The following CNTROB variants were observed in gnomAD, a reference collection of about 807,000 sequenced individuals.
CNTROB encodes centrobin, centriole duplication and spindle assembly protein, also known as centrobin.
A neutral mutation model predicts 115.7 loss-of-function variants in CNTROB; 82 were observed. The ratio of observed to expected loss-of-function variants is 0.71; its 90% CI spans 0.59 to 0.85. The LOEUF (loss-of-function observed/expected upper bound fraction) is 0.85, where lower values mean the gene tolerates loss of function less well. Among genes scored for constraint, CNTROB ranks in the 40% least tolerant of loss-of-function variants. The pLI is 0.00. For synonymous variants in CNTROB, 439 were observed against 456.4 expected, an observed-to-expected ratio of 0.96 and a Z score of 0.49; for missense variants, 1,014 against 1,144.4, an observed-to-expected ratio of 0.89 and a Z score of 1.64.
chr17:7,948,556 G>A lies in CNTROB; in HGVS notation c.2450G>A (p.Arg817Gln), dbSNP rs754000012. ...VSQLLRLYQA[R>Q]GWGALPAEDL... ...CAACTGTTGCGACTCTACCAGGCTCGGGGCTGGGGGGCTCTGCCTGCTGAG... is the reference window on the plus strand; with the variant it reads ...CAACTGTTGCGACTCTACCAGGCTCAGGGCTGGGGGGCTCTGCCTGCTGAG... The change falls in exon 17 of 19, where the codon CGG (arginine) becomes CAG (glutamine). Residue 817 changes from arginine to glutamine, a missense_variant. Transcript: ENST00000563694. This position sits in a 1 kb window ranked among gnomAD's most constrained non-coding sequence, Gnocchi z 4.4. 7.8e-5 allele frequency: 126 copies of A among 1,614,012 alleles called. No individual in the cohort carries two copies. The South Asian group carries it at 1.3e-3, about 16-fold the overall frequency.
In CNTROB at chr17:7,944,280, C is replaced by T. The variant is rs759870751; in HGVS notation, c.1571+32C>T. 1 of 1,610,268 alleles carries T rather than the reference C, an allele frequency of 6.2e-7. No individual in the cohort carries two copies. Among genetic ancestry groups the T allele is most frequent in the African/African-American group, 1.3e-5 (1 of 74,854 alleles). The stretch of plus-strand genomic sequence containing the variant: ...GTCCCCAGAGTGCCCCTTTCAGGCC[C>T]CAGCCCCTTTCCCATGGGTAGAGCC... On this transcript the variant is annotated intron_variant, in intron 11 of 18. Transcript: ENST00000563694. The surrounding 1 kb of genome is among the most constrained non-coding windows in gnomAD (Gnocchi z 4.0).
At position 7,944,782 on chromosome 17, in the gene CNTROB, A is replaced by C; in HGVS notation, c.1734+144A>C. On this transcript the variant is annotated intron_variant, in intron 12 of 18. Transcript: ENST00000563694. This position sits in a 1 kb window ranked among gnomAD's most constrained non-coding sequence, Gnocchi z 4.0. ...AGCCTCGAACTCCTGGGCTCAAGTG[A>C]TCCTCCCACCTCTAACTCCCAAAGT... The C allele has an allele frequency of 1.1e-6, 1 of 938,100 alleles. No homozygotes were observed. The highest frequency in any genetic ancestry group is 1.5e-6 in the Non-Finnish European group (1 of 654,132). 58.1% of individuals were successfully genotyped at this position (938,100 alleles called of 1,614,324 possible). A position where few individuals can be genotyped will look rare whatever the true frequency, so the allele number is the denominator to read the frequency against.
rs767071702 is a variant in CNTROB at position 7,940,219 on chromosome 17, C to T, written c.1288C>T (p.Gln430Ter). ...AGCTCGGAGAGAGAGAGATGCCCTG[C>T]AGCTGGAAATGAGCTTGGTGCAGGT... ...DTARRERDAL[Q>*]LEMSLVQARY... The change falls in exon 9 of 19, where the codon CAG (glutamine) becomes TAG (stop). Residue 430 changes from glutamine to a stop codon, truncating the protein, a stop_gained. Coordinates refer to ENST00000563694, the MANE Select transcript of CNTROB (RefSeq NM_053051.5). LOFTEE classifies it high-confidence loss of function. 6.2e-7 allele frequency: 1 copy of T among 1,609,250 alleles called. No homozygotes were observed. The highest frequency in any genetic ancestry group is 8.5e-7 in the Non-Finnish European group (1 of 1,178,606).
At chr17:7,934,254 G>A in intron 2 of CNTROB, 32 bp downstream of exon 2, 1 of 1,591,242 alleles carries the variant, frequency 6.3e-7, no homozygotes, top group African/African-American at 1.3e-5. Context: ...AACTATGAAG[G>A]AGAACCTAGA....
In CNTROB at chr17:7,943,502, G is replaced by A; in HGVS notation, c.1423G>A (p.Ala475Thr). ...QAQESSLRQA[A>T]SLREHHRKQL... ...TCAGGAGAGCAGCCTACGGCAAGCA[G>A]CCTCCCTCAGGGAACATCACAGGTA... The change falls in exon 10 of 19, where the codon GCC becomes ACC. Residue 475 changes from alanine (A) to threonine (T), a missense_variant. By Grantham distance (58) the Ala-to-Thr change is moderately conservative (BLOSUM62 0). Transcript: ENST00000563694. The surrounding 1 kb of genome is among the most constrained non-coding windows in gnomAD (Gnocchi z 4.7). 6.2e-7 allele frequency: 1 copy of A among 1,613,420 alleles called. No individual in the cohort carries two copies. The highest frequency in any genetic ancestry group is 8.5e-7 in the Non-Finnish European group (1 of 1,179,564).
rs376661020 is a variant in CNTROB at position 7,933,073 on chromosome 17, T to C, written c.-7T>C. On this transcript the variant is annotated 5_prime_UTR_variant, in exon 1 of 19. Coordinates refer to ENST00000563694, the MANE Select transcript of CNTROB (RefSeq NM_053051.5). ...TTGCTGTCTCCGGTTGTCTCTTCCC[T>C]GTATTCATGGCAACATCAGCTGACA... The C allele has an allele frequency of 2.8e-5, 45 of 1,612,854 alleles. No individual in the cohort carries two copies. The highest frequency in any genetic ancestry group is 3.4e-5 in the Non-Finnish European group (40 of 1,179,452).
intron 1 of CNTROB, 139 bp from the exon 2 acceptor site, chr17:7,933,999 T>C: frequency 1.5e-6 from 1 of 655,606 alleles, no homozygotes; most frequent in East Asian, 2.6e-5. Flanking sequence ...GAATTTCTGA[T>C]TCAAGTTTAG....
Position 7,939,877 on chromosome 17 carries a change from G to A in CNTROB, c.1164+128G>A. Reference sequence around the variant, plus strand: ...GAATGGAGAGTAGAGAGCCATGTGTGGGAGACAAGGTTGAGAGTATAGGGC... The same window carrying A: ...GAATGGAGAGTAGAGAGCCATGTGTAGGAGACAAGGTTGAGAGTATAGGGC... On this transcript the variant is annotated intron_variant, in intron 8 of 18. Transcript: ENST00000563694. The surrounding 1 kb of genome is among the most constrained non-coding windows in gnomAD (Gnocchi z 4.4). 1 of 1,075,538 alleles carries A rather than the reference G, an allele frequency of 9.3e-7. No individual in the cohort carries two copies. Among genetic ancestry groups the A allele is most frequent in the Non-Finnish European group, 1.4e-6 (1 of 731,424 alleles). 66.6% of individuals were successfully genotyped at this position (1,075,538 alleles called of 1,614,324 possible). A position where few individuals can be genotyped will look rare whatever the true frequency, so the allele number is the denominator to read the frequency against.
In CNTROB at chr17:7,937,019, T is replaced by C. The variant is rs1598069421; in HGVS notation, c.829-145T>C. 2.9e-6 allele frequency: 3 copies of C among 1,042,802 alleles called. No homozygotes were observed. The East Asian group carries it at 7.2e-5, about 25-fold the overall frequency. 64.6% of individuals were successfully genotyped at this position (1,042,802 alleles called of 1,614,324 possible). On this transcript the variant is annotated intron_variant, in intron 6 of 18. Coordinates refer to ENST00000563694, the MANE Select transcript of CNTROB (RefSeq NM_053051.5). ...CTTGAATCATCAATGTCTTAATTTT[T>C]CCCACACCATGTAGTCTTCTATCTG...
Position 7,944,496 on chromosome 17 carries a change from G to A in CNTROB, c.1592G>A (p.Arg531Gln), listed in dbSNP as rs140963535. ...YELRLAREQA[R>Q]VCELQSGNQQ... is the part of the protein sequence containing the mutation. ...TTCAGACTGGCCCGGGAGCAAGCGC[G>A]AGTGTGCGAACTGCAGAGTGGGAAC... Residue 531 changes from arginine (R) to glutamine (Q), a missense_variant, in exon 12 of 19, where the codon CGA becomes CAA. Coordinates refer to ENST00000563694, the MANE Select transcript of CNTROB (RefSeq NM_053051.5). This position sits in a 1 kb window ranked among gnomAD's most constrained non-coding sequence, Gnocchi z 4.0. 8.6e-4 allele frequency: 1,388 copies of A among 1,613,966 alleles called. 9 individuals are homozygous for A. In the East Asian group the frequency reaches 0.01, roughly 12 times the overall value.
At chr17:7,937,090 T>C in intron 6 of CNTROB, 74 bp from the exon 7 acceptor site, 1 of 1,577,246 alleles carries the variant, frequency 6.3e-7, no homozygotes, top group Non-Finnish European at 8.7e-7. Context: ...GTTTACATTG[T>C]CAATGCTTTA....
At chr17:7,937,907 T>C (rs746944691) in intron 7 of CNTROB, among the ~76,000 whole-genome samples, 6 of 152,102 alleles carry the variant, frequency 3.9e-5, no homozygotes, top group Non-Finnish European at 8.8e-5. Flanking sequence ...TTTCAGAAAT[T>C]TCCTGGGTGA....
rs764367404 is a variant in CNTROB, at chr17:7,948,857, G to GTT, written c.2514-222_2514-221dup. On this transcript the variant is annotated intron_variant, in intron 17 of 18. Coordinates refer to ENST00000563694, the MANE Select transcript of CNTROB (RefSeq NM_053051.5). The surrounding 1 kb of genome is among the most constrained non-coding windows in gnomAD (Gnocchi z 4.4). Reference sequence around the variant, plus strand: ...CTTTTCCCCGGGTCTCTCTACCTTCGTTTTTTTCCTCTTTACCCCTCAGCT... The same window carrying GTT: ...CTTTTCCCCGGGTCTCTCTACCTTCGTTTTTTTTTCCTCTTTACCCCTCAGCT... 32 of 1,455,858 alleles carry GTT rather than the reference G, an allele frequency of 2.2e-5. No homozygotes were observed. The highest frequency in any genetic ancestry group is 5.4e-6 in the Non-Finnish European group (6 of 1,104,344). 90.2% of individuals were successfully genotyped at this position (1,455,858 alleles called of 1,614,324 possible).
chr17:7,949,455 A>G lies in CNTROB; in HGVS notation c.2657A>G (p.Lys886Arg), dbSNP rs1974963443. The G allele has an allele frequency of 1.2e-6, 2 of 1,614,160 alleles. No individual in the cohort carries two copies. Among genetic ancestry groups the G allele is most frequent in the Non-Finnish European group, 1.7e-6 (2 of 1,180,040 alleles). The change falls in exon 19 of 19, where the codon AAA becomes AGA. Residue 886 changes from lysine to arginine, a missense_variant. Lys to Arg is a conservative substitution (Grantham distance 26, BLOSUM62 2). Transcript: ENST00000563694. The part of the protein sequence containing the change: ...PKTEKPPARK[K>R]SGHPAPSSMR... Reference sequence around the variant, plus strand: ...ACTGAAAAACCTCCCGCACGGAAGAAAAGTGGGCACCCTGCCCCGAGTAGC... The same window carrying G: ...ACTGAAAAACCTCCCGCACGGAAGAGAAGTGGGCACCCTGCCCCGAGTAGC...
At chr17:7,936,619 A>ATTT (rs1428069558) in intron 5 of CNTROB, 82 bp from the exon 6 acceptor site, 1 of 802,538 alleles carries the variant, frequency 1.2e-6, no homozygotes, top group African/African-American at 1.7e-5. Context: ...TGTTGGGAGA[A>ATTT]GATGGCTGTT....
In CNTROB at chr17:7,944,257, C is replaced by A; in HGVS notation, c.1571+9C>A. The A allele has an allele frequency of 1.2e-6, 2 of 1,613,006 alleles. No individual in the cohort carries two copies. The highest frequency in any genetic ancestry group is 2.2e-5 in the South Asian group (2 of 91,022). On this transcript the variant is annotated intron_variant, in intron 11 of 18. Coordinates refer to ENST00000563694, the MANE Select transcript of CNTROB (RefSeq NM_053051.5). This position sits in a 1 kb window ranked among gnomAD's most constrained non-coding sequence, Gnocchi z 4.0. ...GAGGACTACGAGCTCAGGTCCTGGTCCCCAGAGTGCCCCTTTCAGGCCCCA... is the reference window on the plus strand; with the variant it reads ...GAGGACTACGAGCTCAGGTCCTGGTACCCAGAGTGCCCCTTTCAGGCCCCA...
chr17:7,934,125 G>A lies in CNTROB; in HGVS notation c.271-13G>A. 2 of 1,611,680 alleles carry A rather than the reference G, an allele frequency of 1.2e-6. No homozygotes were observed. The highest frequency in any genetic ancestry group is 2.2e-5 in the South Asian group (2 of 91,052). ...CACAGACTGCATCTGATTTCCATGT[G>A]GCTTTTTTCCAGGATGGTTCTAAGC... On this transcript the variant is annotated splice_polypyrimidine_tract_variant and intron_variant, in intron 1 of 18. Coordinates refer to ENST00000563694, the MANE Select transcript of CNTROB (RefSeq NM_053051.5).
Position 7,949,103 on chromosome 17 carries a change from T to C in CNTROB, c.2532T>C (p.Asp844=), listed in dbSNP as rs756507984. The C allele has an allele frequency of 1.2e-6, 2 of 1,614,004 alleles. No homozygotes were observed. Among genetic ancestry groups the C allele is most frequent in the Non-Finnish European group, 1.7e-6 (2 of 1,179,952 alleles). ...GTAGCAGGACTGATGGCCGAGGGGATAATGTCCCCAGAAGGAACACAGACT... is the reference window on the plus strand; with the variant it reads ...GTAGCAGGACTGATGGCCGAGGGGACAATGTCCCCAGAAGGAACACAGACT... ...LEHSGTDGRG[D]NVPRRNTDSR... Residue 844 remains aspartate (D), a synonymous_variant, in exon 18 of 19, where the codon GAT becomes GAC. Transcript: ENST00000563694.
At chr17:7,941,322 C>G (rs201775364) in intron 9 of CNTROB, among the ~76,000 whole-genome samples, 2 of 152,086 alleles carry the variant, frequency 1.3e-5, no homozygotes, top group Non-Finnish European at 1.5e-5. Context: ...TCCTTTGGCC[C>G]GGTATGGTGG....
Sources: allele counts gnomAD v4.1 joint callset (sites outside exome capture counted in the v4.1 genomes callset), GRCh38; gene constraint gnomAD v4.1.1; non-coding constraint Gnocchi (gnomAD v3.1); transcripts MANE v1.5; gene names NCBI Gene and HGNC (gene_info 2026-07-23, HGNC 2026-07-21).